The following BACE2 variants were observed in gnomAD, a reference collection of about 807,000 sequenced individuals.
BACE2 encodes the protein 56 kDa aspartic-like protease.
A neutral mutation model predicts 46.2 loss-of-function variants in BACE2; 17 were observed. The ratio of observed to expected loss-of-function variants is 0.37; its 90% CI spans 0.25 to 0.55. The LOEUF is 0.55. Ranked by LOEUF, BACE2 falls within the 20% of genes least tolerant of loss-of-function variation. The probability of loss-of-function intolerance (pLI) is 0.82; values close to 1 mark genes in which losing one functional copy is unlikely to be tolerated. For missense variants in BACE2, 595 were observed against 698.1 expected (o/e 0.85, Z 1.66); for synonymous variants, 277 against 295.9 (o/e 0.94, Z 0.66).
At chr21:41,222,514 C>T (rs541056218) in intron 1 of BACE2, among the ~76,000 whole-genome samples, 5 of 152,338 alleles carry the variant, frequency 3.3e-5, no homozygotes, top group East Asian at 3.9e-4. Flanking sequence ...GGGGCTTTCA[C>T]GGAGTGGCCT....
chr21:41,241,431 T>C lies in BACE2; in HGVS notation c.619-388T>C, dbSNP rs184428496. Among the ~76,000 whole-genome samples the C allele has an allele frequency of 6.0e-4, 92 of 152,294 alleles. No homozygotes were observed. The Middle Eastern group carries it at 0.01, about 17-fold the overall frequency. Reference sequence around the variant, plus strand: ...AGGCAAACAAAGATGTCTGCGGCCATGGCAGCTCCTAGAGAAACTCTTCTC... The same window carrying C: ...AGGCAAACAAAGATGTCTGCGGCCACGGCAGCTCCTAGAGAAACTCTTCTC... On this transcript the variant is annotated intron_variant, in intron 3 of 8. Transcript: ENST00000330333.
chr21:41,168,708 A>T, intron 1 of BACE2, 133 bp downstream of exon 1: 72 of 413,964 alleles, frequency 1.7e-4, no homozygotes, highest in Middle Eastern at 1.7e-3. Flanking sequence ...CGGGGAACGC[A>T]GAGGGGCTCG....
At chr21:41,175,334 A>C (rs1404675136) in intron 1 of BACE2, 1 of 152,220 alleles carries the variant, frequency 6.6e-6, no homozygotes, top group Non-Finnish European at 1.5e-5. Flanking sequence ...CTGTCTAGAG[A>C]GTAACGTGGC....
Position 41,239,414 on chromosome 21 carries a change from A to G in BACE2, c.618+1685A>G, listed in dbSNP as rs143731231. Among the ~76,000 whole-genome samples, 82 of 152,060 alleles carry G rather than the reference A, an allele frequency of 5.4e-4. 2 individuals are homozygous for G. The East Asian group carries it at 0.014, about 26-fold the overall frequency. On this transcript the variant is annotated intron_variant, in intron 3 of 8. Transcript: ENST00000330333. ...TTTTTTTGAGAGAGAGTCTCACTCT[A>G]TTTCCCAGGCTGGAGTGCAGCAGTG...
chr21:41,218,457 G>A (rs1986542352), intron 1 of BACE2, among the ~76,000 whole-genome samples: 1 of 152,190 alleles, frequency 6.6e-6, no homozygotes, highest in Non-Finnish European at 1.5e-5. Context: ...GGGCCCGTGG[G>A]AGGCTGAACA....
intron 1 of BACE2, among the ~76,000 whole-genome samples, chr21:41,174,139 C>CTTTTTTTTTTTTTTTTT (rs1328562900): frequency 1.9e-4 from 9 of 48,488 alleles, no homozygotes; most frequent in Non-Finnish European, 2.2e-4. Context: ...GATCAGTGGC[C>CTTTTTTTTTTTTTTTTT]TTTTTTTTTT....
intron 1 of BACE2, among the ~76,000 whole-genome samples, chr21:41,189,478 G>A (rs1031453142): frequency 2.0e-5 from 3 of 152,090 alleles, no homozygotes; most frequent in African/African-American, 7.2e-5. Flanking sequence ...CTGTTTCAAA[G>A]TTGCACATCT....
chr21:41,241,878 C>A lies in BACE2; in HGVS notation c.678C>A (p.Asn226Lys). 2 of 1,614,190 alleles carry A rather than the reference C, an allele frequency of 1.2e-6. No individual in the cohort carries two copies. Among genetic ancestry groups the A allele is most frequent in the Non-Finnish European group, 1.7e-6 (2 of 1,180,024 alleles). The change falls in exon 4 of 9, where the codon AAC (asparagine) becomes AAA (lysine). Residue 226 changes from asparagine to lysine, a missense_variant. Transcript: ENST00000330333. The stretch of plus-strand genomic sequence containing the variant: ...TGGTGACACAAGCAAACATCCCCAA[C>A]GTTTTCTCCATGCAGATGTGTGGAG... Reference protein sequence around the residue: ...DSLVTQANIPNVFSMQMCGAG... With the variant: ...DSLVTQANIPKVFSMQMCGAG...
intron 1 of BACE2, among the ~76,000 whole-genome samples, chr21:41,204,222 G>A (rs1171844391): frequency 2.0e-5 from 3 of 152,012 alleles, no homozygotes; most frequent in Non-Finnish European, 4.4e-5. Context: ...TGTTTTTTTA[G>A]TAGAGACAGG....
chr21:41,203,223 G>A (rs1488695037), intron 1 of BACE2, among the ~76,000 whole-genome samples: 1 of 152,098 alleles, frequency 6.6e-6, no homozygotes, highest in Non-Finnish European at 1.5e-5. Flanking sequence ...ATTACCACAC[G>A]GGCAAAGGAA....
At chr21:41,234,583 C>G (rs1373169786) in intron 2 of BACE2, among the ~76,000 whole-genome samples, 2 of 152,196 alleles carry the variant, frequency 1.3e-5, no homozygotes, top group African/African-American at 4.8e-5. Flanking sequence ...AATTGCCAAC[C>G]TCTGTTCTAG....
intron 1 of BACE2, 141 bp downstream of exon 1, chr21:41,168,716 TC>T: frequency 3.0e-6 from 1 of 331,116 alleles, no homozygotes; most frequent in African/African-American, 2.2e-5. Flanking sequence ...GCAGAGGGGC[TC>T]GGGTGGGCCG....
intron 2 of BACE2, among the ~76,000 whole-genome samples, chr21:41,235,735 A>C (rs1190689784): frequency 6.6e-6 from 1 of 152,198 alleles, no homozygotes; most frequent in Non-Finnish European, 1.5e-5. Flanking sequence ...CCAGTTACTC[A>C]GTAGGCAGAG....
chr21:41,168,695 G>C, intron 1 of BACE2, 120 bp downstream of exon 1: 4 of 739,128 alleles, frequency 5.4e-6, no homozygotes, highest in Non-Finnish European at 7.5e-6. Flanking sequence ...CCGCACAGAA[G>C]AGCGGGGAAC....
intron 1 of BACE2, among the ~76,000 whole-genome samples, chr21:41,209,464 G>T (rs1986231614): frequency 1.3e-5 from 2 of 152,218 alleles, no homozygotes; most frequent in Non-Finnish European, 2.9e-5. Context: ...TCAGTGCAGA[G>T]ATAAGGAATG....
chr21:41,211,142 G>A (rs1465404149), intron 1 of BACE2, among the ~76,000 whole-genome samples: 1 of 151,862 alleles, frequency 6.6e-6, no homozygotes, highest in Non-Finnish European at 1.5e-5. Flanking sequence ...CCAGAATCAG[G>A]CAGCCAAGCC....
At chr21:41,183,911 T>A (rs551230565) in intron 1 of BACE2, 1 of 167,108 alleles carries the variant, frequency 6.0e-6, no homozygotes, top group Non-Finnish European at 1.5e-5. Context: ...AGGCATCAAG[T>A]CTTGTCTAGG....
At chr21:41,205,067 T>C (rs943196625) in intron 1 of BACE2, among the ~76,000 whole-genome samples, 14 of 152,228 alleles carry the variant, frequency 9.2e-5, no homozygotes, top group Non-Finnish European at 2.1e-4. Flanking sequence ...CAATGGTTTT[T>C]CTGTGTTGCG....
At chr21:41,270,244 C>A (rs1057025133) in intron 8 of BACE2, among the ~76,000 whole-genome samples, 1 of 152,136 alleles carries the variant, frequency 6.6e-6, no homozygotes, top group Non-Finnish European at 1.5e-5. Flanking sequence ...AGTCCTTTAT[C>A]AGAAATTTGG....
Sources: allele counts gnomAD v4.1 joint callset (sites outside exome capture counted in the v4.1 genomes callset), GRCh38; gene constraint gnomAD v4.1.1; transcripts MANE v1.5; gene names NCBI Gene and HGNC (gene_info 2026-07-23, HGNC 2026-07-21).